Variants in CDCA7L observed in about 807,000 individuals in gnomAD.
CDCA7L encodes cell division cycle-associated 7-like protein.
CDCA7L carries 44 observed loss-of-function variants against 57.4 expected under a neutral mutation model. That is an observed-to-expected ratio of 0.77 (90% CI 0.60 to 0.98). CDCA7L has a LOEUF of 0.98. Among genes scored for constraint, CDCA7L ranks in the 50% least tolerant of loss-of-function variants. CDCA7L has a pLI of 0.00. For synonymous variants in CDCA7L, 236 were observed against 202.8 expected, an observed-to-expected ratio of 1.16 and a Z score of -1.39; for missense variants, 644 against 580.6, an observed-to-expected ratio of 1.11 and a Z score of -1.12.
At chr7:21,939,694 G>A (rs1423833090) in intron 1 of CDCA7L, among the ~76,000 whole-genome samples, 1 of 152,168 alleles carries the variant, frequency 6.6e-6, no homozygotes, top group South Asian at 2.1e-4. Flanking sequence ...GCTTCATCCT[G>A]TAGGACTCTC....
chr7:21,912,771 G>C (rs74462936), intron 2 of CDCA7L, among the ~76,000 whole-genome samples: 1 of 152,200 alleles, frequency 6.6e-6, no homozygotes, highest in Non-Finnish European at 1.5e-5. Flanking sequence ...TCGTGCAGGA[G>C]GTGAGAGGTG....
chr7:21,905,621 C>A lies in CDCA7L; in HGVS notation c.932G>T (p.Arg311Leu). The A allele has an allele frequency of 6.2e-7, 1 of 1,613,742 alleles. No individual in the cohort carries two copies. The highest frequency in any genetic ancestry group is 8.5e-7 in the Non-Finnish European group (1 of 1,179,966). ...TATACGGTGACGTCGTCTGTACTCC[C>A]GGCATTTCCCCTGCACAATGAACAC... is the stretch of plus-strand genomic sequence containing the variant. The part of the protein sequence containing the change: ...RRRKTIGGKC[R>L]EYRRRHRISS... Residue 311 changes from arginine to leucine, a missense_variant, in exon 7 of 10, where the codon CGG (arginine) becomes CTG (leucine). Coordinates refer to ENST00000406877, the MANE Select transcript of CDCA7L (RefSeq NM_018719.5).
chr7:21,911,860 T>G, intron 2 of CDCA7L, 106 bp from the exon 3 acceptor site: 1 of 960,058 alleles, frequency 1.0e-6, no homozygotes, highest in Non-Finnish European at 1.5e-6. Flanking sequence ...CTGATGGAGA[T>G]GACGAAAATG....
Position 21,901,435 on chromosome 7 carries a change from C to A in CDCA7L, c.*887G>T. ...TACTAGAAACTAACTCAGGGCTGAG[C>A]GTGGTGGCACACGACTGTAATCCCA... On this transcript the variant is annotated 3_prime_UTR_variant, in exon 10 of 10. Coordinates refer to ENST00000406877, the MANE Select transcript of CDCA7L (RefSeq NM_018719.5). 1 of 788,648 alleles carries A rather than the reference C, an allele frequency of 1.3e-6. No individual in the cohort carries two copies. The highest frequency in any genetic ancestry group is 1.8e-6 in the Non-Finnish European group (1 of 571,172). 48.9% of individuals were successfully genotyped at this position (788,648 alleles called of 1,614,324 possible). A position where few individuals can be genotyped will look rare whatever the true frequency, so the allele number is the denominator to read the frequency against.
At chr7:21,916,154 T>C (rs533085061) in intron 2 of CDCA7L, among the ~76,000 whole-genome samples, 2 of 152,186 alleles carry the variant, frequency 1.3e-5, no homozygotes, top group East Asian at 3.9e-4. Flanking sequence ...TGAGGAATTT[T>C]GAGTGCCACA....
At chr7:21,912,733 C>T (rs1387362429) in intron 2 of CDCA7L, among the ~76,000 whole-genome samples, 1 of 152,190 alleles carries the variant, frequency 6.6e-6, no homozygotes, top group East Asian at 1.9e-4. Context: ...ATGGAAAGCT[C>T]ATTCAAGGTC....
intron 1 of CDCA7L, among the ~76,000 whole-genome samples, chr7:21,924,090 G>A (rs1785752393): frequency 6.6e-6 from 1 of 152,114 alleles, no homozygotes; most frequent in South Asian, 2.1e-4. Context: ...GTGAAATTAA[G>A]TATAATATTT....
intron 3 of CDCA7L, 64 bp from the exon 4 acceptor site, chr7:21,908,571 A>G (rs1270339155): frequency 8.6e-6 from 12 of 1,391,774 alleles, no homozygotes; most frequent in Middle Eastern, 3.8e-4. Context: ...AAAGACATGC[A>G]TTTAAAACAA....
intron 1 of CDCA7L, among the ~76,000 whole-genome samples, chr7:21,933,588 T>C (rs60181879): frequency 3.9e-5 from 6 of 151,916 alleles, no homozygotes; most frequent in African/African-American, 7.3e-5. Flanking sequence ...TTATTCATAG[T>C]TGGCAGGTGA....
chr7:21,919,329 G>A (rs1785585214), intron 1 of CDCA7L, among the ~76,000 whole-genome samples: 1 of 152,076 alleles, frequency 6.6e-6, no homozygotes, highest in South Asian at 2.1e-4. Context: ...GCCATTGGGA[G>A]CTTCTTGGAA....
At chr7:21,907,386 G>C (rs1399210461) in intron 4 of CDCA7L, among the ~76,000 whole-genome samples, 1 of 151,908 alleles carries the variant, frequency 6.6e-6, no homozygotes, top group African/African-American at 2.4e-5. Context: ...TGCATATACA[G>C]TATCACTGCA....
chr7:21,914,239 TAC>T (rs1191878119), intron 2 of CDCA7L, among the ~76,000 whole-genome samples: 1 of 152,158 alleles, frequency 6.6e-6, no homozygotes, highest in Non-Finnish European at 1.5e-5. Flanking sequence ...GCTCACTGTA[TAC>T]AGTCAGGTGG....
chr7:21,923,287 G>A (rs13234391), intron 1 of CDCA7L, among the ~76,000 whole-genome samples: 19,522 of 152,172 alleles, frequency 0.13, 1,557 homozygotes, highest in Non-Finnish European at 0.18. Flanking sequence ...CCAGGGGTTT[G>A]AGACCAGCCT....
At chr7:21,929,413 C>A (rs1785931252) in intron 1 of CDCA7L, among the ~76,000 whole-genome samples, 1 of 152,050 alleles carries the variant, frequency 6.6e-6, no homozygotes. Context: ...GGCAAAATAA[C>A]CAGCTAGCAT....
In CDCA7L at chr7:21,908,512, TAA is replaced by T. The variant is rs549044913; in HGVS notation, c.304-7_304-6del. ...ACTCAAATCTGACTCCACGACCTAA[TAA>T]AATAAGAGCAAGAAAAAGCACAAAG... On this transcript the variant is annotated splice_polypyrimidine_tract_variant and splice_region_variant and intron_variant, in intron 3 of 9. Coordinates refer to ENST00000406877, the MANE Select transcript of CDCA7L (RefSeq NM_018719.5). The T allele has an allele frequency of 2.0e-4, 298 of 1,503,468 alleles. No individual in the cohort carries two copies. The African/African-American group carries it at 2.2e-3, about 11-fold the overall frequency. 93.1% of individuals were successfully genotyped at this position (1,503,468 alleles called of 1,614,324 possible).
intron 3 of CDCA7L, 31 bp from the exon 4 acceptor site, chr7:21,908,538 A>G (rs753026977): frequency 2.4e-5 from 36 of 1,493,906 alleles, no homozygotes; most frequent in Non-Finnish European, 3.1e-5. Flanking sequence ...AAAAGCACAA[A>G]GACACTGTTA....
chr7:21,922,960 G>C (rs1054088619), intron 1 of CDCA7L, among the ~76,000 whole-genome samples: 1 of 152,196 alleles, frequency 6.6e-6, no homozygotes, highest in South Asian at 2.1e-4. Context: ...CAGGTACCTA[G>C]AGTGGTTGAA....
intron 1 of CDCA7L, among the ~76,000 whole-genome samples, chr7:21,945,398 T>C (rs1674204977): frequency 6.6e-6 from 1 of 151,432 alleles, no homozygotes; most frequent in African/African-American, 2.4e-5. Flanking sequence ...AGCTTCCTGA[T>C]CTCTGTGCCA....
Position 21,916,802 on chromosome 7 carries a change from C to T in CDCA7L, c.117G>A (p.Ser39=), listed in dbSNP as rs748694657. 1.8e-5 allele frequency: 29 copies of T among 1,613,862 alleles called. No individual in the cohort carries two copies. Among genetic ancestry groups the T allele is most frequent in the Admixed American group, 1.7e-4 (10 of 59,980 alleles). The part of the protein sequence containing the change: ...FRDDVPMETL[S]SEESCDSFDS... ...CAAAACTATCGCAGCTCTCCTCTGACGAGAGGGTTTCCATGGGAACATCAT... is the reference window on the plus strand; with the variant it reads ...CAAAACTATCGCAGCTCTCCTCTGATGAGAGGGTTTCCATGGGAACATCAT... The change falls in exon 2 of 10, where the codon TCG becomes TCA. Residue 39 remains serine (S), a synonymous_variant. Transcript: ENST00000406877.
Sources: gnomAD v4.1 joint callset for allele counts (sites outside exome capture counted in the v4.1 genomes callset) on GRCh38, gnomAD v4.1.1 for gene constraint, MANE v1.5 for transcripts, NCBI Gene and HGNC (gene_info 2026-07-23, HGNC 2026-07-21) for gene names.